The following MYO19 variants were observed in gnomAD, a reference collection of about 807,000 sequenced individuals.
MYO19 encodes unconventional myosin-XIX.
A neutral mutation model predicts 129.2 loss-of-function variants in MYO19; 132 were observed. That is an observed-to-expected ratio of 1.02 (90% CI 0.89 to 1.18). The LOEUF (loss-of-function observed/expected upper bound fraction) is 1.18. MYO19 is among the 50% of genes most tolerant of loss of function. The probability of loss-of-function intolerance (pLI) is 0.00; values close to 1 mark genes in which losing one functional copy is unlikely to be tolerated. For synonymous variants in MYO19, 531 were observed against 477.2 expected, an observed-to-expected ratio of 1.11 and a Z score of -1.47; for missense variants, 1,210 against 1,216.7, an observed-to-expected ratio of 0.99 and a Z score of 0.08.
In MYO19 at chr17:36,501,077, C is replaced by G. The variant is rs1307719335; in HGVS notation, c.2239G>C (p.Asp747His). The G allele has an allele frequency of 1.2e-6, 2 of 1,611,742 alleles. No homozygotes were observed. Among genetic ancestry groups the G allele is most frequent in the African/African-American group, 2.7e-5 (2 of 74,916 alleles). The change falls in exon 22 of 26, where the codon GAC becomes CAC. Residue 747 changes from aspartate (D) to histidine (H), a missense_variant. By Grantham distance (81) the Asp-to-His change is moderately conservative (BLOSUM62 -1). Transcript: ENST00000614623. Reference sequence around the variant, plus strand: ...TCCCCAAACCAGCTCACCATAGAGTCAGTCATGAACACCTTGGTCCTGCCA... The same window carrying G: ...TCCCCAAACCAGCTCACCATAGAGTGAGTCATGAACACCTTGGTCCTGCCA... Reference protein sequence around the residue: ...HCGRTKVFMTDSMLELLECGR... With the variant: ...HCGRTKVFMTHSMLELLECGR...
Position 36,501,248 on chromosome 17 carries a change from G to A in MYO19, c.2081-13C>T, listed in dbSNP as rs776723587. 6.2e-7 allele frequency: 1 copy of A among 1,604,226 alleles called. No homozygotes were observed. The highest frequency in any genetic ancestry group is 8.5e-7 in the Non-Finnish European group (1 of 1,174,274). ...TGTGGACACCATTCTGGGGGAGGGA[G>A]ATGGCCCCATCAGTGCATGGTCATC... On this transcript the variant is annotated splice_polypyrimidine_tract_variant and intron_variant, in intron 21 of 25. Transcript: ENST00000614623.
chr17:36,514,635 A>G (rs1226411416), intron 8 of MYO19, 87 bp from the exon 9 acceptor site: 2 of 855,616 alleles, frequency 2.3e-6, no homozygotes, highest in Non-Finnish European at 3.9e-6. Context: ...ATTGCCTGCT[A>G]CCTGGCAACT....
intron 6 of MYO19, among the ~76,000 whole-genome samples, chr17:36,518,490 A>G (rs1353702162): frequency 0.11 from 396 of 3,728 alleles, 11 homozygotes; most frequent in African/African-American, 0.19. Flanking sequence ...ATCTCAGAGG[A>G]AAAAAAAAAA....
At chr17:36,518,554 G>GTATGTA (rs1212249190) in intron 6 of MYO19, among the ~76,000 whole-genome samples, 1 of 66,552 alleles carries the variant, frequency 1.5e-5, no homozygotes, top group African/African-American at 5.9e-5. Flanking sequence ...ATATATATAT[G>GTATGTA]TGTATGTGTA....
upstream of MYO19, among the ~76,000 whole-genome samples, chr17:36,536,746 C>G (rs925148565): frequency 2.0e-5 from 3 of 152,138 alleles, no homozygotes; most frequent in Non-Finnish European, 2.9e-5. Flanking sequence ...AACTCCTGAC[C>G]TCAGGTGATC....
chr17:36,501,061 C>T lies in MYO19; in HGVS notation c.2247+8G>A. Reference sequence around the variant, plus strand: ...CTCTGTAACCTCCTCATCCCCAAACCAGCTCACCATAGAGTCAGTCATGAA... The same window carrying T: ...CTCTGTAACCTCCTCATCCCCAAACTAGCTCACCATAGAGTCAGTCATGAA... On this transcript the variant is annotated splice_region_variant and intron_variant, in intron 22 of 25. Transcript: ENST00000614623. The T allele has an allele frequency of 6.2e-7, 1 of 1,606,808 alleles. No homozygotes were observed. The highest frequency in any genetic ancestry group is 1.7e-4 in the Middle Eastern group (1 of 6,046).
chr17:36,543,997 C>T (rs1298438737), upstream of MYO19, among the ~76,000 whole-genome samples: 1 of 152,204 alleles, frequency 6.6e-6, no homozygotes, highest in Non-Finnish European at 1.5e-5. Context: ...CTTCAGATCA[C>T]CAGGACTTTC....
chr17:36,509,485 T>C, intron 13 of MYO19: 1 of 338,052 alleles, frequency 3.0e-6, no homozygotes, highest in Non-Finnish European at 5.6e-6. Context: ...TGGGCCTGGG[T>C]GTGGTTTGTA....
Position 36,507,155 on chromosome 17 carries a change from A to AG in MYO19, c.1468-17dup. 1 of 1,590,432 alleles carries AG rather than the reference A, an allele frequency of 6.3e-7. No individual in the cohort carries two copies. Among genetic ancestry groups the AG allele is most frequent in the Non-Finnish European group, 8.6e-7 (1 of 1,165,050 alleles). On this transcript the variant is annotated splice_polypyrimidine_tract_variant and intron_variant, in intron 16 of 25. Transcript: ENST00000614623. ...GGCGGCATTCCTGTGGGATGGGAAC[A>AG]GGGGGTCAGCCACCAACATGAGAGT... is the stretch of plus-strand genomic sequence containing the variant.
At chr17:36,510,441 C>G (rs1305522195) in intron 13 of MYO19, among the ~76,000 whole-genome samples, 1 of 152,252 alleles carries the variant, frequency 6.6e-6, no homozygotes, top group Non-Finnish European at 1.5e-5. Context: ...TGCCAGCAGA[C>G]AGCTGAGCAG....
chr17:36,531,071 A>C (rs895568378), intron 3 of MYO19, among the ~76,000 whole-genome samples: 2 of 151,940 alleles, frequency 1.3e-5, no homozygotes. Context: ...TCCATCTCTA[A>C]AATAAAAATA....
Position 36,501,071 on chromosome 17 carries a change from TAG to T in MYO19, c.2243_2244del (p.Ser748TyrfsTer82), listed in dbSNP as rs1567732197. ...CGRTKVFMTD[S>X]MLELLECGRA... is the part of the protein sequence containing the mutation. ...TCCTCATCCCCAAACCAGCTCACCA[TAG>T]AGTCAGTCATGAACACCTTGGTCCT... is the stretch of plus-strand genomic sequence containing the variant. On this transcript the variant is annotated frameshift_variant, in exon 22 of 26. Transcript: ENST00000614623. LOFTEE classifies it high-confidence loss of function. 3 of 1,611,228 alleles carry T rather than the reference TAG, an allele frequency of 1.9e-6. No homozygotes were observed. The highest frequency in any genetic ancestry group is 2.5e-6 in the Non-Finnish European group (3 of 1,177,864).
At chr17:36,506,935 GC>G in intron 17 of MYO19, 27 bp downstream of exon 17, 1 of 1,536,898 alleles carries the variant, frequency 6.5e-7, no homozygotes, top group Non-Finnish European at 8.8e-7. Flanking sequence ...TTTCTCGCAG[GC>G]CCCACAGGGC....
In MYO19 at chr17:36,501,264, C is replaced by T; in HGVS notation, c.2081-29G>A. The T allele has an allele frequency of 1.3e-6, 2 of 1,592,180 alleles. 1 individual carries two copies. Among genetic ancestry groups the T allele is most frequent in the Middle Eastern group, 3.4e-4 (2 of 5,960 alleles). On this transcript the variant is annotated intron_variant, in intron 21 of 25. Coordinates refer to ENST00000614623, the MANE Select transcript of MYO19 (RefSeq NM_001163735.2). ...GGGGAGGGAGATGGCCCCATCAGTG[C>T]ATGGTCATCTCTACATGCCTCTGTG...
In MYO19 at chr17:36,527,620, G is replaced by A. The variant is rs759731825; in HGVS notation, c.231C>T (p.Pro77=). 8.7e-6 allele frequency: 14 copies of A among 1,613,980 alleles called. No homozygotes were observed. In the South Asian group the frequency reaches 1.2e-4, roughly 14 times the overall value. The change falls in exon 5 of 26, where the codon CCC becomes CCT. Residue 77 remains proline, a synonymous_variant. Transcript: ENST00000614623. ...AGTAGAGCTGAGGAACAGGCTTGAAGGGGTTCAAGGCTACCAGGGTGCAGC... is the reference window on the plus strand; with the variant it reads ...AGTAGAGCTGAGGAACAGGCTTGAAAGGGTTCAAGGCTACCAGGGTGCAGC... ...NAGCTLVALN[P]FKPVPQLYSP...
chr17:36,522,959 T>C (rs562895953), intron 6 of MYO19, among the ~76,000 whole-genome samples: 8 of 150,944 alleles, frequency 5.3e-5, no homozygotes, highest in East Asian at 3.9e-4. Context: ...TGAGCCAAGA[T>C]TGTGCCACTG....
intron 2 of MYO19, among the ~76,000 whole-genome samples, chr17:36,541,885 G>A (rs1192282511): frequency 1.3e-5 from 2 of 152,170 alleles, no homozygotes; most frequent in Non-Finnish European, 2.9e-5. Context: ...ATAAAAATAA[G>A]TGCCTACTCT....
chr17:36,528,134 G>C lies in MYO19; in HGVS notation c.81C>G (p.Phe27Leu). 6.2e-7 allele frequency: 1 copy of C among 1,613,142 alleles called. No individual in the cohort carries two copies. The highest frequency in any genetic ancestry group is 8.5e-7 in the Non-Finnish European group (1 of 1,179,582). ...TGTACAGCAGGACCTCCCCACCCAG[G>C]AACTCCTGCAGGTCTTCTCTGAGGT... ...REYLREDLQE[F>L]LGGEVLLYKL... The change falls in exon 4 of 26, where the codon TTC becomes TTG. Residue 27 changes from phenylalanine to leucine, a missense_variant. Transcript: ENST00000614623.
At chr17:36,512,735 C>T (rs534841251) in intron 11 of MYO19, 1 of 1,289,102 alleles carries the variant, frequency 7.8e-7, no homozygotes, top group Non-Finnish European at 1.0e-6. Context: ...AAGTGGCCTC[C>T]CTTTCTCGAC....
Sources: gnomAD v4.1 joint callset for allele counts (sites outside exome capture counted in the v4.1 genomes callset) on GRCh38, gnomAD v4.1.1 for gene constraint, MANE v1.5 for transcripts, NCBI Gene and HGNC (gene_info 2026-07-23, HGNC 2026-07-21) for gene names.